The following CADM2 variants were observed in gnomAD, a reference collection of about 807,000 sequenced individuals.
The protein encoded by CADM2 is cell adhesion molecule 2.
CADM2 carries 12 observed loss-of-function variants against 49.8 expected under a neutral mutation model. That is an observed-to-expected ratio of 0.24 (90% CI 0.15 to 0.39). The LOEUF (loss-of-function observed/expected upper bound fraction) is 0.39, where lower values mean the gene tolerates loss of function less well. Ranked by LOEUF, CADM2 falls within the 10% of genes least tolerant of loss-of-function variation. CADM2 has a pLI of 1.00. For missense variants in CADM2, 378 were observed against 492.3 expected (o/e 0.77, Z 2.20); for synonymous variants, 214 against 175.4 (o/e 1.22, Z -1.74).
chr3:85,425,000 A>G (rs1009489400), intron 1 of CADM2, among the ~76,000 whole-genome samples: 1 of 152,200 alleles, frequency 6.6e-6, no homozygotes, highest in Non-Finnish European at 1.5e-5. Context: ...TAGCATTGCC[A>G]AAAGTGCTGT....
chr3:85,388,470 A>G (rs1043809266), intron 1 of CADM2, among the ~76,000 whole-genome samples: 2 of 152,178 alleles, frequency 1.3e-5, no homozygotes, highest in Admixed American at 6.5e-5. Context: ...GATTTTGTAC[A>G]TTAAAAAATC....
intron 1 of CADM2, among the ~76,000 whole-genome samples, chr3:85,601,218 AC>A (rs2063396435): frequency 6.9e-6 from 1 of 145,372 alleles, no homozygotes; most frequent in African/African-American, 2.5e-5. Flanking sequence ...CAAGTGGAAT[AC>A]ATGAGGAATG....
At chr3:85,143,590 A>G (rs542889387) in intron 1 of CADM2, among the ~76,000 whole-genome samples, 161 of 152,346 alleles carry the variant, frequency 1.1e-3, no homozygotes, top group African/African-American at 3.8e-3. Flanking sequence ...GTATGCTACA[A>G]ATAACTTGTG....
chr3:85,607,866 A>G (rs527398233), intron 1 of CADM2, among the ~76,000 whole-genome samples: 1 of 152,166 alleles, frequency 6.6e-6, no homozygotes, highest in South Asian at 2.1e-4. Flanking sequence ...CATGTTGGCC[A>G]GGCTGGTCTC....
At position 86,066,920 on chromosome 3, in the gene CADM2, T is replaced by TATAC. The variant is rs1230489292; in HGVS notation, c.*138_*141dup. The stretch of plus-strand genomic sequence containing the variant: ...ACTGTACTGCTATCAGTAGCCAGTG[T>TATAC]ATACCAACAATCAGCTGTTGAAAGC... On this transcript the variant is annotated 3_prime_UTR_variant, in exon 10 of 10. Transcript: ENST00000383699. 6.0e-6 allele frequency: 4 copies of TATAC among 665,940 alleles called. No individual in the cohort carries two copies. The highest frequency in any genetic ancestry group is 1.1e-5 in the Non-Finnish European group (4 of 371,582). The allele number at this position is 665,940 out of a possible 1,614,324, so 41.3% of individuals were successfully genotyped here. A position where few individuals can be genotyped will look rare whatever the true frequency, so the allele number is the denominator to read the frequency against.
intron 3 of CADM2, among the ~76,000 whole-genome samples, chr3:85,871,705 TGTC>T (rs1286157629): frequency 1.3e-5 from 2 of 152,170 alleles, no homozygotes; most frequent in Admixed American, 1.3e-4. Flanking sequence ...ACTCTATCGT[TGTC>T]ATCATCATCA....
chr3:85,307,159 G>A (rs924200796), intron 1 of CADM2, among the ~76,000 whole-genome samples: 1 of 151,366 alleles, frequency 6.6e-6, no homozygotes, highest in Non-Finnish European at 1.5e-5. Flanking sequence ...TTACGTATAT[G>A]CATATATATA....
intron 6 of CADM2, among the ~76,000 whole-genome samples, chr3:85,914,417 T>C (rs1325781325): frequency 6.6e-6 from 1 of 152,106 alleles, no homozygotes; most frequent in Non-Finnish European, 1.5e-5. Flanking sequence ...GTCTTCCTTT[T>C]TCTGTTTCTT....
chr3:85,462,209 G>A (rs2107591740), intron 1 of CADM2, among the ~76,000 whole-genome samples: 1 of 152,214 alleles, frequency 6.6e-6, no homozygotes, highest in East Asian at 1.9e-4. Context: ...CAGTTGTCAA[G>A]CCCCAGAATA....
intron 8 of CADM2, among the ~76,000 whole-genome samples, chr3:86,037,160 A>G (rs928014074): frequency 2.0e-5 from 3 of 152,140 alleles, no homozygotes; most frequent in Non-Finnish European, 4.4e-5. Context: ...ATTTTTTTGT[A>G]TAATTAAATA....
At chr3:86,028,045 C>T (rs143505986) in intron 8 of CADM2, 58 of 100,084 alleles carry the variant, frequency 5.8e-4, no homozygotes, top group African/African-American at 2.4e-3. Context: ...ACACCGGGGC[C>T]TGTTGTGGGG....
intron 1 of CADM2, among the ~76,000 whole-genome samples, chr3:85,050,792 T>C (rs9814835): frequency 0.59 from 89,649 of 152,006 alleles, 27,267 homozygotes; most frequent in Non-Finnish European, 0.65. Flanking sequence ...TTTAATTCTT[T>C]TTCCACAGTC....
intron 1 of CADM2, among the ~76,000 whole-genome samples, chr3:85,200,535 A>T (rs1328698533): frequency 6.6e-6 from 1 of 152,082 alleles, no homozygotes; most frequent in Non-Finnish European, 1.5e-5. Context: ...TCTAGGAGAG[A>T]TCAGTCATCA....
At chr3:86,024,736 G>A (rs887917350) in intron 8 of CADM2, among the ~76,000 whole-genome samples, 3 of 152,050 alleles carry the variant, frequency 2.0e-5, no homozygotes, top group African/African-American at 7.2e-5. Context: ...TGATTTCCAA[G>A]GTCTTGCAAA....
At chr3:85,540,182 T>A (rs1053169289) in intron 1 of CADM2, among the ~76,000 whole-genome samples, 1 of 152,158 alleles carries the variant, frequency 6.6e-6, no homozygotes, top group African/African-American at 2.4e-5. Context: ...TTCATTTTCA[T>A]CAAAATCTGT....
chr3:85,142,708 C>T (rs2039613945), intron 1 of CADM2, among the ~76,000 whole-genome samples: 2 of 152,264 alleles, frequency 1.3e-5, no homozygotes, highest in South Asian at 4.1e-4. Context: ...AATGAAGAAT[C>T]ATAAGCTACG....
At chr3:85,849,761 T>G (rs2075021989) in intron 3 of CADM2, among the ~76,000 whole-genome samples, 1 of 152,190 alleles carries the variant, frequency 6.6e-6, no homozygotes, top group Admixed American at 6.5e-5. Flanking sequence ...GGCTTGACTT[T>G]AATAGCCATA....
At position 85,420,438 on chromosome 3, in the gene CADM2, A is replaced by G. The variant is rs72907228; in HGVS notation, c.62-306084A>G. ...GACATAGGTAACTTATGTAATTTCCATAGAGAACATGGGGTGAAGTGATGA... is the reference window on the plus strand; with the variant it reads ...GACATAGGTAACTTATGTAATTTCCGTAGAGAACATGGGGTGAAGTGATGA... On this transcript the variant is annotated intron_variant, in intron 1 of 9. Transcript: ENST00000383699. 2.0e-5 allele frequency among the ~76,000 whole-genome samples: 3 copies of G among 152,314 alleles called. No homozygotes were observed. The East Asian group carries it at 5.8e-4, about 29-fold the overall frequency.
chr3:85,530,901 CACACACACACACAA>C (rs1258304033), intron 1 of CADM2, among the ~76,000 whole-genome samples: 163 of 149,720 alleles, frequency 1.1e-3, no homozygotes, highest in African/African-American at 3.1e-3. Flanking sequence ...CACACACACA[CACACACACACACAA>C]AATTCATTAT....
Sources: gnomAD v4.1 joint callset for allele counts (sites outside exome capture counted in the v4.1 genomes callset) on GRCh38, gnomAD v4.1.1 for gene constraint, MANE v1.5 for transcripts, NCBI Gene and HGNC (gene_info 2026-07-23, HGNC 2026-07-21) for gene names.